The following TULP4 variants were observed in gnomAD, a reference collection of about 807,000 sequenced individuals.
TULP4 encodes tubby-related protein 4.
Under a neutral mutation model 129.0 loss-of-function variants are expected in TULP4, and 16 were observed. That is an observed-to-expected ratio of 0.12 (90% confidence interval 0.08 to 0.19). The LOEUF is 0.19. Among genes scored for constraint, TULP4 ranks in the 10% least tolerant of loss-of-function variants. The pLI is 1.00. For synonymous variants in TULP4, 998 were observed against 854.0 expected, an observed-to-expected ratio of 1.17 and a Z score of -2.94; for missense variants, 1,842 against 2,059.1, an observed-to-expected ratio of 0.89 and a Z score of 2.04.
intron 1 of TULP4, among the ~76,000 whole-genome samples, chr6:158,286,511 G>T (rs1331959293): frequency 2.0e-5 from 3 of 152,150 alleles, no homozygotes; most frequent in Non-Finnish European, 4.4e-5. Flanking sequence ...ATACATGCTA[G>T]ATCATAGACT....
intron 3 of TULP4, among the ~76,000 whole-genome samples, chr6:158,447,211 C>T (rs531073228): frequency 1.4e-4 from 22 of 152,150 alleles, no homozygotes; most frequent in Admixed American, 1.3e-4. Context: ...TCAGCAGGTC[C>T]GTGACCCATG....
chr6:158,239,271 C>T (rs1340031192), intron 1 of TULP4, among the ~76,000 whole-genome samples: 1 of 60,500 alleles, frequency 1.7e-5, no homozygotes. Flanking sequence ...GGGCGGCTGG[C>T]CGGGCAGAGG....
intron 1 of TULP4, among the ~76,000 whole-genome samples, chr6:158,398,892 G>A (rs1234095004): frequency 6.6e-6 from 1 of 152,194 alleles, no homozygotes; most frequent in African/African-American, 2.4e-5. Context: ...ACAAGCCAGT[G>A]TATTAGTCTG....
chr6:158,358,280 A>G lies in TULP4; in HGVS notation c.252+44012A>G, dbSNP rs62437397. Reference sequence around the variant, plus strand: ...AGATAATGAAACAGCTCTGTGAACTATTCTTAGAGAAAAGTGATTCTGTGT... The same window carrying G: ...AGATAATGAAACAGCTCTGTGAACTGTTCTTAGAGAAAAGTGATTCTGTGT... On this transcript the variant is annotated intron_variant, in intron 1 of 13. Transcript: ENST00000367097. Among the ~76,000 whole-genome samples, 861 of 152,332 alleles carry G rather than the reference A, an allele frequency of 5.7e-3. 6 individuals carry two copies. Among genetic ancestry groups the G allele is most frequent in the Non-Finnish European group, 5.5e-3 (375 of 68,024 alleles).
chr6:158,494,285 T>G (rs1464361804), intron 10 of TULP4, among the ~76,000 whole-genome samples: 1 of 152,200 alleles, frequency 6.6e-6, no homozygotes, highest in Non-Finnish European at 1.5e-5. Context: ...TTAAGCTCCT[T>G]AAGGGGCTGT....
At chr6:158,253,532 G>A (rs1026492134) in intron 1 of TULP4, among the ~76,000 whole-genome samples, 10 of 152,154 alleles carry the variant, frequency 6.6e-5, no homozygotes, top group African/African-American at 2.4e-4. Flanking sequence ...CATTAGCAGG[G>A]AGGCCTTAGA....
intron 3 of TULP4, among the ~76,000 whole-genome samples, chr6:158,434,481 A>G (rs1052603511): frequency 2.6e-5 from 4 of 152,226 alleles, no homozygotes; most frequent in African/African-American, 4.8e-5. Flanking sequence ...TAATGCTGCA[A>G]CAGTGAAGCT....
intron 5 of TULP4, among the ~76,000 whole-genome samples, chr6:158,456,802 C>G (rs1779301928): frequency 6.6e-6 from 1 of 150,492 alleles, no homozygotes; most frequent in Non-Finnish European, 1.5e-5. Context: ...CCACTGCACT[C>G]CAGCCTGGGC....
intron 1 of TULP4, chr6:158,237,315 C>T: frequency 1.3e-6 from 2 of 1,591,674 alleles, no homozygotes; most frequent in African/African-American, 2.7e-5. Context: ...TTAAAAACAG[C>T]CTTCAACAAG....
At chr6:158,367,949 G>A (rs1327598674) in intron 1 of TULP4, among the ~76,000 whole-genome samples, 1 of 150,430 alleles carries the variant, frequency 6.6e-6, no homozygotes, top group Non-Finnish European at 1.5e-5. Context: ...TCAAATCTGG[G>A]CGTGGTGGGA....
intron 1 of TULP4, among the ~76,000 whole-genome samples, chr6:158,297,879 T>G (rs1779060627): frequency 6.6e-6 from 1 of 152,126 alleles, no homozygotes; most frequent in Admixed American, 6.5e-5. Flanking sequence ...GCGGAGTTTT[T>G]TCCCACTCTA....
intron 1 of TULP4, among the ~76,000 whole-genome samples, chr6:158,389,361 A>G (rs954481695): frequency 7.9e-5 from 12 of 152,204 alleles, no homozygotes; most frequent in African/African-American, 2.9e-4. Context: ...CTGAAGTGGT[A>G]GGACTGCTTG....
chr6:158,308,431 T>G (rs1779256817), upstream of TULP4, among the ~76,000 whole-genome samples: 1 of 152,032 alleles, frequency 6.6e-6, no homozygotes, highest in Non-Finnish European at 1.5e-5. Flanking sequence ...ACCATCCGAT[T>G]TCTCAATCTT....
intron 5 of TULP4, among the ~76,000 whole-genome samples, chr6:158,454,023 C>A (rs538674261): frequency 6.8e-5 from 10 of 146,954 alleles, no homozygotes; most frequent in Admixed American, 1.3e-4. Flanking sequence ...TCTGCACCGC[C>A]CCCCCCCAAG....
intron 1 of TULP4, among the ~76,000 whole-genome samples, chr6:158,263,702 G>C (rs1583686587): frequency 6.6e-6 from 1 of 152,154 alleles, no homozygotes; most frequent in African/African-American, 2.4e-5. Context: ...GTTGCAGTGA[G>C]CCATGTTTGC....
chr6:158,235,882 TA>T (rs1777684337), intron 1 of TULP4, among the ~76,000 whole-genome samples: 1 of 152,234 alleles, frequency 6.6e-6, no homozygotes, highest in Non-Finnish European at 1.5e-5. Context: ...TTAAATTAGT[TA>T]AAACAAATTC....
At chr6:158,295,686 G>A (rs1422193041) in intron 1 of TULP4, among the ~76,000 whole-genome samples, 1 of 152,046 alleles carries the variant, frequency 6.6e-6, no homozygotes, top group Non-Finnish European at 1.5e-5. Flanking sequence ...TTGAGAGATC[G>A]AGACCATGCT....
At chr6:158,252,257 C>T (rs1190908951) in intron 1 of TULP4, among the ~76,000 whole-genome samples, 2 of 149,846 alleles carry the variant, frequency 1.3e-5, no homozygotes, top group African/African-American at 4.9e-5. Flanking sequence ...TCAAACCTAT[C>T]GATCTTTTTT....
intron 8 of TULP4, among the ~76,000 whole-genome samples, chr6:158,484,320 C>A (rs1281682806): frequency 7.1e-6 from 1 of 141,028 alleles, no homozygotes; most frequent in African/African-American, 2.6e-5. Flanking sequence ...TCATAGTGCA[C>A]TTTTTTTTTT....
Sources: allele counts gnomAD v4.1 joint callset (sites outside exome capture counted in the v4.1 genomes callset), GRCh38; gene constraint gnomAD v4.1.1; transcripts MANE v1.5; gene names NCBI Gene and HGNC (gene_info 2026-07-23, HGNC 2026-07-21).